The following NOL4 variants were observed in gnomAD, a reference collection of about 807,000 sequenced individuals.
NOL4 encodes cancer/testis antigen 125.
Under a neutral mutation model 75.9 loss-of-function variants are expected in NOL4, and 17 were observed. The ratio of observed to expected loss-of-function variants is 0.22; its 90% CI spans 0.15 to 0.34. The LOEUF (loss-of-function observed/expected upper bound fraction) is 0.34. Ranked by LOEUF, NOL4 falls within the 10% of genes least tolerant of loss-of-function variation. The pLI is 1.00. For synonymous variants in NOL4, 292 were observed against 289.9 expected (o/e 1.01, Z -0.07); for missense variants, 614 against 793.5 (o/e 0.77, Z 2.72).
In NOL4 at chr18:34,222,349, G is replaced by T. The variant is rs917907870; in HGVS notation, c.264+641C>A. ...AGGGAAGTGAGGAAGGGAATGGGGG[G>T]GCGGGGAGGAGGAATCTCCAGGACC... On this transcript the variant is annotated intron_variant, in intron 1 of 10. Transcript: ENST00000261592. 92 of 1,263,210 alleles carry T rather than the reference G, an allele frequency of 7.3e-5. No homozygotes were observed. The African/African-American group carries it at 1.3e-3, about 18-fold the overall frequency. 78.3% of individuals were successfully genotyped at this position (1,263,210 alleles called of 1,614,324 possible). A position where few individuals can be genotyped will look rare whatever the true frequency, so the allele number is the denominator to read the frequency against.
At chr18:34,007,431 T>C (rs754576003) in intron 6 of NOL4, among the ~76,000 whole-genome samples, 21 of 151,992 alleles carry the variant, frequency 1.4e-4, no homozygotes, top group Non-Finnish European at 2.2e-4. Context: ...GCTGAGGTGC[T>C]TGTTGAAGGA....
chr18:34,204,681 G>A (rs887117710), intron 1 of NOL4, among the ~76,000 whole-genome samples: 7 of 152,058 alleles, frequency 4.6e-5, no homozygotes, highest in Non-Finnish European at 8.8e-5. Context: ...ATAGATAAAT[G>A]AATAAACCCT....
chr18:34,191,151 C>T (rs574719865), intron 1 of NOL4, among the ~76,000 whole-genome samples: 72 of 152,160 alleles, frequency 4.7e-4, no homozygotes, highest in Non-Finnish European at 1.0e-3. Context: ...TGTGATAAAA[C>T]AAGAAAATTC....
At chr18:33,951,438 C>T (rs2069212600) in intron 8 of NOL4, among the ~76,000 whole-genome samples, 1 of 151,926 alleles carries the variant, frequency 6.6e-6, no homozygotes, top group South Asian at 2.1e-4. Flanking sequence ...ACTATAATAT[C>T]CCTAGGTATG....
intron 5 of NOL4, among the ~76,000 whole-genome samples, chr18:34,062,467 C>A (rs935826772): frequency 6.6e-6 from 1 of 152,096 alleles, no homozygotes; most frequent in Admixed American, 6.6e-5. Flanking sequence ...TGCCGAACCT[C>A]TTCTGGAATT....
chr18:34,123,968 A>T (rs938088842), intron 2 of NOL4, among the ~76,000 whole-genome samples: 11 of 152,186 alleles, frequency 7.2e-5, no homozygotes, highest in African/African-American at 2.6e-4. Context: ...AATGAGTTCA[A>T]TACTGGACAA....
At position 34,132,001 on chromosome 18, in the gene NOL4, G is replaced by A. The variant is rs1008107575; in HGVS notation, c.265-1981C>T. On this transcript the variant is annotated intron_variant, in intron 1 of 10. Coordinates refer to ENST00000261592, the MANE Select transcript of NOL4 (RefSeq NM_003787.5). ...AGTACTTTATTTTCTCATAATCCTG[G>A]AGGCCAGAAGTCCAAAATCAAAATG... is the stretch of plus-strand genomic sequence containing the variant. 4.0e-4 allele frequency among the ~76,000 whole-genome samples: 61 copies of A among 152,256 alleles called. 1 individual carries two copies. In the Middle Eastern group the frequency reaches 0.014, roughly 34 times the overall value.
At chr18:34,015,028 A>T (rs573350295) in intron 6 of NOL4, among the ~76,000 whole-genome samples, 27 of 152,196 alleles carry the variant, frequency 1.8e-4, no homozygotes, top group African/African-American at 6.5e-4. Flanking sequence ...CCTCCAAGGA[A>T]GAAGAAATGT....
At chr18:34,064,107 T>C (rs978534940) in intron 5 of NOL4, among the ~76,000 whole-genome samples, 1 of 151,996 alleles carries the variant, frequency 6.6e-6, no homozygotes, top group Non-Finnish European at 1.5e-5. Context: ...CAGAATACAA[T>C]TGGCATATTG....
At chr18:34,026,517 T>G (rs115766603) in intron 5 of NOL4, among the ~76,000 whole-genome samples, 1,814 of 152,220 alleles carry the variant, frequency 0.012, 34 homozygotes, top group African/African-American at 0.041. Context: ...CTGCTTGGCT[T>G]TTTAGCTCTT....
chr18:33,998,335 C>A (rs2073440000), intron 6 of NOL4, among the ~76,000 whole-genome samples: 1 of 152,000 alleles, frequency 6.6e-6, no homozygotes, highest in African/African-American at 2.4e-5. Context: ...TTAGCCAATT[C>A]CCTTTCAATA....
At chr18:34,045,808 G>A (rs1420520123) in intron 5 of NOL4, among the ~76,000 whole-genome samples, 1 of 152,064 alleles carries the variant, frequency 6.6e-6, no homozygotes, top group Non-Finnish European at 1.5e-5. Flanking sequence ...AATCAAATAT[G>A]CTCAAATCAA....
Position 34,065,527 on chromosome 18 carries a change from T to C in NOL4, c.772+27938A>G, listed in dbSNP as rs538151780. ...TTTCATGTAAAGCAATGCTTCATTT[T>C]TTAAGGCTAAAATGCAGAATGTTTT... On this transcript the variant is annotated intron_variant, in intron 5 of 10. Coordinates refer to ENST00000261592, the MANE Select transcript of NOL4 (RefSeq NM_003787.5). Among the ~76,000 whole-genome samples the C allele has an allele frequency of 2.2e-3, 340 of 152,134 alleles. 2 individuals are homozygous for C. Among genetic ancestry groups the C allele is most frequent in the African/African-American group, 7.8e-3 (323 of 41,550 alleles).
At chr18:34,129,739 T>G (rs1209940500) in intron 2 of NOL4, 132 bp downstream of exon 2, 1 of 729,402 alleles carries the variant, frequency 1.4e-6, no homozygotes, top group South Asian at 3.3e-5. Flanking sequence ...AGTTTAAATG[T>G]TGGGCATGAC....
chr18:34,132,803 C>T (rs34925984), intron 1 of NOL4, among the ~76,000 whole-genome samples: 5,692 of 150,058 alleles, frequency 0.038, 158 homozygotes, highest in Non-Finnish European at 0.058. Flanking sequence ...AGACAAAAGT[C>T]TTGAAAGCAC....
rs929138440 is a variant in NOL4 at position 34,104,185 on chromosome 18, A to C, written c.527-26T>G. 11 of 1,291,892 alleles carry C rather than the reference A, an allele frequency of 8.5e-6. No individual in the cohort carries two copies. The African/African-American group carries it at 1.6e-4, about 19-fold the overall frequency. The allele number at this position is 1,291,892 out of a possible 1,614,324, so 80.0% of individuals were successfully genotyped here. A position where few individuals can be genotyped will look rare whatever the true frequency, so the allele number is the denominator to read the frequency against. Reference sequence around the variant, plus strand: ...CTGTAATAAAACATTTTTAATGGGTAATGAAAGTAATACTGCATTCTACCT... The same window carrying C: ...CTGTAATAAAACATTTTTAATGGGTCATGAAAGTAATACTGCATTCTACCT... On this transcript the variant is annotated intron_variant, in intron 3 of 10. Transcript: ENST00000261592.
chr18:34,045,146 C>A (rs1243228201), intron 5 of NOL4, among the ~76,000 whole-genome samples: 1 of 152,090 alleles, frequency 6.6e-6, no homozygotes, highest in South Asian at 2.1e-4. Context: ...CTCCTGGCCT[C>A]AAGTGATCCT....
chr18:34,162,764 C>G (rs2031707402), intron 1 of NOL4, among the ~76,000 whole-genome samples: 1 of 152,130 alleles, frequency 6.6e-6, no homozygotes, highest in Admixed American at 6.5e-5. Flanking sequence ...ATCCTGATAC[C>G]AAAGCCCGGC....
chr18:33,916,618 T>C (rs1386762424), intron 9 of NOL4, among the ~76,000 whole-genome samples: 3 of 152,194 alleles, frequency 2.0e-5, no homozygotes, highest in East Asian at 3.8e-4. Flanking sequence ...TAATATCCAA[T>C]GCTTATTTAC....
Sources: gnomAD v4.1 joint callset for allele counts (sites outside exome capture counted in the v4.1 genomes callset) on GRCh38, gnomAD v4.1.1 for gene constraint, MANE v1.5 for transcripts, NCBI Gene and HGNC (gene_info 2026-07-23, HGNC 2026-07-21) for gene names.